Variants in DDX60L observed in about 807,000 individuals in gnomAD.
DDX60L encodes DExD/H-box 60 like.
DDX60L carries 191 observed loss-of-function variants against 211.6 expected under a neutral mutation model. The ratio of observed to expected loss-of-function variants is 0.90; its 90% CI spans 0.80 to 1.02. The LOEUF is 1.02. Among genes scored for constraint, DDX60L ranks in the 50% least tolerant of loss-of-function variants. The probability of loss-of-function intolerance (pLI) is 0.00; values close to 1 mark genes in which losing one functional copy is unlikely to be tolerated. For missense variants in DDX60L, 2,007 were observed against 1,984.1 expected (o/e 1.01, Z -0.22); for synonymous variants, 706 against 694.1 (o/e 1.02, Z -0.27).
intron 3 of DDX60L, among the ~76,000 whole-genome samples, 199 bp downstream of exon 3, chr4:168,472,256 G>T (rs1025158883): frequency 6.6e-6 from 1 of 152,170 alleles, no homozygotes; most frequent in African/African-American, 2.4e-5. Context: ...CCAGCTCCAT[G>T]AATCTGATTG....
intron 12 of DDX60L, among the ~76,000 whole-genome samples, chr4:168,431,249 C>T (rs1033684224): frequency 4.6e-5 from 7 of 152,112 alleles, no homozygotes; most frequent in Non-Finnish European, 1.0e-4. Flanking sequence ...TCCCAGGAAG[C>T]AAGGCTAGAT....
At chr4:168,406,836 A>G (rs1031702889) in intron 22 of DDX60L, 130 bp from the exon 23 acceptor site, 2 of 657,610 alleles carry the variant, frequency 3.0e-6, no homozygotes, top group African/African-American at 1.9e-5. Flanking sequence ...AAGGCAATCA[A>G]CTGTAATATT....
intron 36 of DDX60L, among the ~76,000 whole-genome samples, chr4:168,363,516 G>T (rs1739443569): frequency 6.6e-6 from 1 of 152,120 alleles, no homozygotes; most frequent in Admixed American, 6.5e-5. Context: ...AATGACTAAA[G>T]AATACACAAT....
chr4:168,375,383 T>A lies in DDX60L; in HGVS notation c.4627A>T (p.Arg1543Ter). 1 of 1,611,980 alleles carries A rather than the reference T, an allele frequency of 6.2e-7. No homozygotes were observed. Among genetic ancestry groups the A allele is most frequent in the Non-Finnish European group, 8.5e-7 (1 of 1,178,960 alleles). The change falls in exon 34 of 38, where the codon AGA becomes TGA. Residue 1543 changes from arginine to a stop codon, truncating the protein, a stop_gained. Coordinates refer to ENST00000682922, the MANE Select transcript of DDX60L (RefSeq NM_001012967.3). LOFTEE classifies it high-confidence loss of function. ...MKKEHQLPLSRIKFTGKECED... is the reference protein window; with the variant it reads ...MKKEHQLPLS ...GGAACTAAAATCTGCTTACTGATTC[T>A]TGACAAAGGGAGTTGATGCTCTTTT...
Position 168,396,062 on chromosome 4 carries a change from T to C in DDX60L, c.3554A>G (p.Tyr1185Cys). 1.9e-6 allele frequency: 3 copies of C among 1,604,650 alleles called. No individual in the cohort carries two copies. Among genetic ancestry groups the C allele is most frequent in the African/African-American group, 1.3e-5 (1 of 74,656 alleles). ...CTTCAGATTCTCCAGGAAATTAATATATTCAGCTCTATACACTTTTTTTCT... is the reference window on the plus strand; with the variant it reads ...CTTCAGATTCTCCAGGAAATTAATACATTCAGCTCTATACACTTTTTTTCT... Reference protein sequence around the residue: ...LERKKVYRAEYINFLENLKIL... With the variant: ...LERKKVYRAECINFLENLKIL... The change falls in exon 27 of 38, where the codon TAT becomes TGT. Residue 1185 changes from tyrosine to cysteine, a missense_variant. Tyr to Cys is a radical substitution (Grantham distance 194). Coordinates refer to ENST00000682922, the MANE Select transcript of DDX60L (RefSeq NM_001012967.3).
rs556954622 is a variant in DDX60L, at chr4:168,422,445, A to C, written c.2244+79T>G. Reference sequence around the variant, plus strand: ...AAACAAGATTAAGAAGTTTATGCAAAATTTGACATGTAGAGACACAGTAAT... The same window carrying C: ...AAACAAGATTAAGAAGTTTATGCAACATTTGACATGTAGAGACACAGTAAT... On this transcript the variant is annotated intron_variant, in intron 16 of 37. Coordinates refer to ENST00000682922, the MANE Select transcript of DDX60L (RefSeq NM_001012967.3). 1.1e-5 allele frequency: 16 copies of C among 1,409,072 alleles called. No homozygotes were observed. The East Asian group carries it at 3.5e-4, about 31-fold the overall frequency. The allele number at this position is 1,409,072 out of a possible 1,614,324, so 87.3% of individuals were successfully genotyped here.
chr4:168,366,501 G>T (rs1007050192), intron 36 of DDX60L, among the ~76,000 whole-genome samples: 1 of 151,720 alleles, frequency 6.6e-6, no homozygotes, highest in African/African-American at 2.4e-5. Flanking sequence ...GAAATGAAAA[G>T]ATATTCCACG....
At chr4:168,385,897 GA>G (rs1743779310) in intron 29 of DDX60L, among the ~76,000 whole-genome samples, 1 of 151,822 alleles carries the variant, frequency 6.6e-6, no homozygotes, top group African/African-American at 2.4e-5. Flanking sequence ...TGCTCTAAAG[GA>G]GCTTAGAGTC....
At chr4:168,430,981 T>G (rs1249070983) in intron 12 of DDX60L, among the ~76,000 whole-genome samples, 1 of 152,214 alleles carries the variant, frequency 6.6e-6, no homozygotes, top group African/African-American at 2.4e-5. Context: ...TTTTTAAAAT[T>G]GGTTACACTC....
At chr4:168,476,462 AAAAATAT>A (rs1318341920) in intron 1 of DDX60L, among the ~76,000 whole-genome samples, 1 of 152,200 alleles carries the variant, frequency 6.6e-6, no homozygotes, top group Admixed American at 6.5e-5. Flanking sequence ...AACTCTTAAC[AAAAATAT>A]AAAAAATTAA....
In DDX60L at chr4:168,444,735, C is replaced by T. The variant is rs1294550609; in HGVS notation, c.1139-3243G>A. Among the ~76,000 whole-genome samples the T allele has an allele frequency of 4.6e-5, 6 of 129,290 alleles. No homozygotes were observed. The South Asian group carries it at 8.6e-4, about 19-fold the overall frequency. The allele number at this position is 129,290 out of a possible 152,430, so 84.8% of individuals were successfully genotyped here. On this transcript the variant is annotated intron_variant, in intron 9 of 37. Coordinates refer to ENST00000682922, the MANE Select transcript of DDX60L (RefSeq NM_001012967.3). ...CAGGATTAAGAATCTCACTCAAAACCGCTCAACTACATGGAAACTGAACAA... is the reference window on the plus strand; with the variant it reads ...CAGGATTAAGAATCTCACTCAAAACTGCTCAACTACATGGAAACTGAACAA...
chr4:168,371,127 A>C (rs945110206), intron 36 of DDX60L, among the ~76,000 whole-genome samples: 2 of 151,706 alleles, frequency 1.3e-5, no homozygotes, highest in African/African-American at 2.4e-5. Flanking sequence ...ATAATATTTT[A>C]TATACTCCTA....
At chr4:168,372,795 A>G (rs1390828401) in intron 35 of DDX60L, among the ~76,000 whole-genome samples, 1 of 152,058 alleles carries the variant, frequency 6.6e-6, no homozygotes, top group Non-Finnish European at 1.5e-5. Flanking sequence ...GGAAGATACA[A>G]AAGTTCAATG....
chr4:168,442,724 C>G (rs1754105642), intron 9 of DDX60L, among the ~76,000 whole-genome samples: 1 of 151,270 alleles, frequency 6.6e-6, no homozygotes. Context: ...TGACCCCTGA[C>G]CCCCGAGCAG....
intron 7 of DDX60L, 89 bp downstream of exon 7, chr4:168,455,950 T>G (rs1171627207): frequency 2.3e-6 from 2 of 876,500 alleles, no homozygotes; most frequent in East Asian, 6.2e-5. Flanking sequence ...ATGTCCACAG[T>G]GGAGAACCTG....
rs1269638338 is a variant in DDX60L at position 168,423,662 on chromosome 4, T to C, written c.2043A>G (p.Lys681=). Residue 681 remains lysine (K), a synonymous_variant, in exon 15 of 38, where the codon AAA becomes AAG. Coordinates refer to ENST00000682922, the MANE Select transcript of DDX60L (RefSeq NM_001012967.3). Reference sequence around the variant, plus strand: ...CATTAAAGCCTAAATATTTAAGGCATTTAGCTATATATTGATGATGTTCTG... The same window carrying C: ...CATTAAAGCCTAAATATTTAAGGCACTTAGCTATATATTGATGATGTTCTG... ...LEAEHHQYIA[K]CLKYLGFNDL... The C allele has an allele frequency of 6.2e-7, 1 of 1,601,460 alleles. No individual in the cohort carries two copies. The highest frequency in any genetic ancestry group is 1.3e-5 in the African/African-American group (1 of 74,608).
At chr4:168,476,651 TA>T (rs33931313) in intron 1 of DDX60L, among the ~76,000 whole-genome samples, 128,143 of 151,888 alleles carry the variant, frequency 0.84, 54,117 homozygotes, top group South Asian at 0.93. Context: ...TGATGGAAGT[TA>T]AAAAAAATTG....
chr4:168,383,556 G>A (rs970213176), intron 30 of DDX60L, among the ~76,000 whole-genome samples: 10 of 152,188 alleles, frequency 6.6e-5, no homozygotes, highest in Admixed American at 1.3e-4. Flanking sequence ...AAGGAATGAG[G>A]TATGGTGTCC....
chr4:168,392,756 C>T (rs1745062133), intron 28 of DDX60L, among the ~76,000 whole-genome samples: 1 of 150,888 alleles, frequency 6.6e-6, no homozygotes, highest in African/African-American at 2.4e-5. Context: ...GGCAGAATTG[C>T]TTGAACCCTG....
Sources: gnomAD v4.1 joint callset for allele counts (sites outside exome capture counted in the v4.1 genomes callset) on GRCh38, gnomAD v4.1.1 for gene constraint, MANE v1.5 for transcripts, NCBI Gene and HGNC (gene_info 2026-07-23, HGNC 2026-07-21) for gene names.